Variants in PGF observed in about 807,000 individuals in gnomAD.
PGF encodes placental growth factor.
A neutral mutation model predicts 25.3 loss-of-function variants in PGF; 11 were observed. The observed-to-expected ratio is 0.43, with a 90% confidence interval of 0.27 to 0.72. PGF has a LOEUF of 0.72. PGF is among the 30% of genes least tolerant of loss of function. The probability of loss-of-function intolerance (pLI) is 0.18; values close to 1 mark genes in which losing one functional copy is unlikely to be tolerated. For missense variants in PGF, 230 were observed against 234.9 expected (o/e 0.98, Z 0.14); for synonymous variants, 105 against 97.9 (o/e 1.07, Z -0.43).
intron 3 of PGF, among the ~76,000 whole-genome samples, chr14:74,948,846 G>A (rs986108719): frequency 1.3e-5 from 2 of 152,178 alleles, no homozygotes; most frequent in Non-Finnish European, 1.5e-5. Context: ...AGAGAGACCC[G>A]TGTTCAGATC....
At position 74,949,383 on chromosome 14, in the gene PGF, C is replaced by T; in HGVS notation, c.289G>A (p.Val97Met). 1 of 1,587,734 alleles carries T rather than the reference C, an allele frequency of 6.3e-7. No individual in the cohort carries two copies. The highest frequency in any genetic ancestry group is 8.6e-7 in the Non-Finnish European group (1 of 1,166,778). Residue 97 changes from valine to methionine, a missense_variant, in exon 3 of 7, where the codon GTG becomes ATG. Physicochemically the swap from Val to Met is conservative, Grantham distance 21 (BLOSUM62 1). Coordinates refer to ENST00000555567, the MANE Select transcript of PGF (RefSeq NM_002632.6). Reference sequence around the variant, plus strand: ...TGCATGGTGACATTGGCCGTCTCCACCGGCACACAGTGCAGATTCTCATCG... The same window carrying T: ...TGCATGGTGACATTGGCCGTCTCCATCGGCACACAGTGCAGATTCTCATCG... The part of the protein sequence containing the change: ...CGDENLHCVP[V>M]ETANVTMQLL...
At chr14:74,943,278 A>G (rs1888645715) in intron 6 of PGF, among the ~76,000 whole-genome samples, 1 of 152,254 alleles carries the variant, frequency 6.6e-6, no homozygotes, top group Non-Finnish European at 1.5e-5. Flanking sequence ...TTCTCTGGCC[A>G]CAACACATCT....
intron 6 of PGF, 146 bp downstream of exon 6, chr14:74,946,067 G>A: frequency 1.5e-6 from 1 of 669,562 alleles, no homozygotes. Context: ...CTGGGCCCTA[G>A]AGTCTTGAGG....
In PGF at chr14:74,943,429, C is replaced by A. The variant is rs188143137; in HGVS notation, c.486-696G>T. 7.9e-5 allele frequency among the ~76,000 whole-genome samples: 12 copies of A among 152,292 alleles called. 1 individual carries two copies. Among genetic ancestry groups the A allele is most frequent in the Admixed American group, 3.3e-4 (5 of 15,296 alleles). ...ATGACTGGGTAACCAAGGCTTTCAA[C>A]AAAACTGAAGAACAGCTTAACCAAA... On this transcript the variant is annotated intron_variant, in intron 6 of 6. Transcript: ENST00000555567.
At chr14:74,948,086 T>C (rs61759383) in intron 4 of PGF, 56 of 161,108 alleles carry the variant, frequency 3.5e-4, no homozygotes, top group Non-Finnish European at 5.9e-4. Flanking sequence ...TCAGCCCCGT[T>C]TGCCCGCTCC....
At chr14:74,946,965 A>T (rs1193093325) in intron 4 of PGF, 3 of 688,200 alleles carry the variant, frequency 4.4e-6, no homozygotes, top group Non-Finnish European at 8.0e-6. Context: ...GCCCAGAAGC[A>T]AGAAGAAAGG....
chr14:74,955,186 C>T lies in PGF; in HGVS notation c.57G>A (p.Leu19=). Residue 19 remains leucine (L), a synonymous_variant, in exon 1 of 7, where the codon CTG becomes CTA. Coordinates refer to ENST00000555567, the MANE Select transcript of PGF (RefSeq NM_002632.6). The surrounding 1 kb of genome is among the most constrained non-coding windows in gnomAD (Gnocchi z 4.1). ...CFLQLLAGLA[L]PAVPPQQWAL... ...CTCTTACCTGGGGGGGCACAGCAGG[C>T]AGCGCCAGCCCGGCCAGGAGCTGCA... 1 of 1,483,456 alleles carries T rather than the reference C, an allele frequency of 6.7e-7. No homozygotes were observed. Among genetic ancestry groups the T allele is most frequent in the East Asian group, 2.8e-5 (1 of 35,680 alleles). The allele number at this position is 1,483,456 out of a possible 1,614,324, so 91.9% of individuals were successfully genotyped here.
At position 74,953,419 on chromosome 14, in the gene PGF, G is replaced by A. The variant is rs59328610; in HGVS notation, c.118+485C>T. ...GGGGAGTGGAGGGGCCAGGGAGGGC[G>A]CGACTATGTTCTGTCTGTTTATAAT... On this transcript the variant is annotated intron_variant, in intron 2 of 6. Coordinates refer to ENST00000555567, the MANE Select transcript of PGF (RefSeq NM_002632.6). This position sits in a 1 kb window ranked among gnomAD's most constrained non-coding sequence, Gnocchi z 5.4. 0.027 allele frequency among the ~76,000 whole-genome samples: 4,123 copies of A among 152,280 alleles called. 199 individuals are homozygous for A. The highest frequency in any genetic ancestry group is 0.094 in the African/African-American group (3,910 of 41,538).
intron 4 of PGF, chr14:74,948,279 G>A: frequency 4.5e-6 from 2 of 449,414 alleles, no homozygotes; most frequent in Non-Finnish European, 4.0e-6. Context: ...CTCAACAGCT[G>A]TACCCCAGCT....
rs1359268126 is a variant in PGF at position 74,953,258 on chromosome 14, CT to C, written c.118+645del. Among the ~76,000 whole-genome samples, 1 of 152,202 alleles carries C rather than the reference CT, an allele frequency of 6.6e-6. No homozygotes were observed. The highest frequency in any genetic ancestry group is 1.5e-5 in the Non-Finnish European group (1 of 68,026). On this transcript the variant is annotated intron_variant, in intron 2 of 6. Transcript: ENST00000555567. This position sits in a 1 kb window ranked among gnomAD's most constrained non-coding sequence, Gnocchi z 5.4. ...AAACCTCAGCGGTGGTGTGTGGCCACTTTGCACGTCTTGGAGAGGCAGGGAG... is the reference window on the plus strand; with the variant it reads ...AAACCTCAGCGGTGGTGTGTGGCCACTTGCACGTCTTGGAGAGGCAGGGAG...
Position 74,948,545 on chromosome 14 carries a change from C to A in PGF, c.354G>T (p.Val118=), listed in dbSNP as rs772216921. ...GAACGTGCTGAGAGAACGTCAGCTC[C>A]ACGTAGGAGGGCCGGTCCCCAGAAC... is the stretch of plus-strand genomic sequence containing the variant. ...KIRSGDRPSY[V]ELTFSQHVRC... Residue 118 remains valine, a synonymous_variant, in exon 4 of 7, where the codon GTG becomes GTT. Coordinates refer to ENST00000555567, the MANE Select transcript of PGF (RefSeq NM_002632.6). 3 of 1,604,626 alleles carry A rather than the reference C, an allele frequency of 1.9e-6. No homozygotes were observed. The highest frequency in any genetic ancestry group is 2.6e-6 in the Non-Finnish European group (3 of 1,172,774).
At chr14:74,946,894 A>G (rs915914564) in intron 4 of PGF, 4 of 759,504 alleles carry the variant, frequency 5.3e-6, no homozygotes, top group Non-Finnish European at 9.7e-6. Context: ...GGAAGGAGGG[A>G]GCATCAGCCC....
Position 74,942,385 on chromosome 14 carries a change from C to G in PGF, c.*321G>C, listed in dbSNP as rs1002695986. ...CAAGAACAGGTAGCAGGGCCCCCTTCTTTCCTTCTGCAGGCCCCTGGAGAC... is the reference window on the plus strand; with the variant it reads ...CAAGAACAGGTAGCAGGGCCCCCTTGTTTCCTTCTGCAGGCCCCTGGAGAC... On this transcript the variant is annotated 3_prime_UTR_variant, in exon 7 of 7. Transcript: ENST00000555567. The G allele has an allele frequency of 4.4e-5, 15 of 339,060 alleles. No homozygotes were observed. The highest frequency in any genetic ancestry group is 3.4e-4 in the African/African-American group (15 of 44,654). 21.0% of individuals were successfully genotyped at this position (339,060 alleles called of 1,614,324 possible). A position where few individuals can be genotyped will look rare whatever the true frequency, so the allele number is the denominator to read the frequency against.
At chr14:74,946,170 C>A (rs745467506) in intron 6 of PGF, 43 bp downstream of exon 6, 1 of 1,588,642 alleles carries the variant, frequency 6.3e-7, no homozygotes, top group Admixed American at 1.7e-5. Context: ...GGGCTCCCCT[C>A]GGGCCCAGCC....
chr14:74,949,292 C>A, intron 3 of PGF, 65 bp downstream of exon 3: 1 of 1,321,356 alleles, frequency 7.6e-7, no homozygotes, highest in East Asian at 2.7e-5. Context: ...GGCCTATCTT[C>A]TTCCCTCTCC....
intron 3 of PGF, among the ~76,000 whole-genome samples, chr14:74,949,140 T>C (rs1011428155): frequency 3.9e-5 from 6 of 152,162 alleles, no homozygotes; most frequent in Admixed American, 3.3e-4. Context: ...AGTCTTGGGA[T>C]AGGACTCAGC....
chr14:74,952,741 A>G (rs2268616), intron 2 of PGF, among the ~76,000 whole-genome samples: 7,542 of 152,278 alleles, frequency 0.05, 419 homozygotes, highest in East Asian at 0.22. Context: ...CTACACTTCC[A>G]GGCCTCCCCA....
rs1367705596 is a variant in PGF at position 74,953,914 on chromosome 14, T to G, written c.108A>C (p.Ser36=). 6.2e-7 allele frequency: 1 copy of G among 1,613,606 alleles called. No individual in the cohort carries two copies. Among genetic ancestry groups the G allele is most frequent in the Admixed American group, 1.7e-5 (1 of 59,998 alleles). The change falls in exon 2 of 7, where the codon TCA becomes TCC. Residue 36 remains serine, a synonymous_variant. Coordinates refer to ENST00000555567, the MANE Select transcript of PGF (RefSeq NM_002632.6). The surrounding 1 kb of genome is among the most constrained non-coding windows in gnomAD (Gnocchi z 5.4). The part of the protein sequence containing the change: ...QWALSAGNGS[S]EVEVVPFQEV... ...GCCTGGCCAGCTTACCTTCCACCTCTGACGAGCCGTTCCCAGCAGACAAGG... is the reference window on the plus strand; with the variant it reads ...GCCTGGCCAGCTTACCTTCCACCTCGGACGAGCCGTTCCCAGCAGACAAGG...
chr14:74,946,205 A>G lies in PGF; in HGVS notation c.485+8T>C, dbSNP rs8005277. 1,613,346 of 1,613,472 alleles carry G rather than the reference A, an allele frequency of 1. 806,610 individuals carry two copies. Among genetic ancestry groups the G allele is most frequent in the East Asian group, 1 (44,854 of 44,854 alleles). On this transcript the variant is annotated splice_region_variant and intron_variant, in intron 6 of 6. Coordinates refer to ENST00000555567, the MANE Select transcript of PGF (RefSeq NM_002632.6). ...CTCCTCGCCATCCCTGGGACCCCGC[A>G]CACTCACAGGTGGCAGTCTGTGGGT...
Sources: allele counts gnomAD v4.1 joint callset (sites outside exome capture counted in the v4.1 genomes callset), GRCh38; gene constraint gnomAD v4.1.1; non-coding constraint Gnocchi (gnomAD v3.1); transcripts MANE v1.5; gene names NCBI Gene and HGNC (gene_info 2026-07-23, HGNC 2026-07-21).